The following ARNT2 variants were observed in gnomAD, a reference collection of about 807,000 sequenced individuals.
The protein encoded by ARNT2 is ARNT protein 2.
Under a neutral mutation model 91.7 loss-of-function variants are expected in ARNT2, and 36 were observed. The observed-to-expected ratio is 0.39, with a 90% CI of 0.30 to 0.52. The LOEUF is 0.52. Ranked by LOEUF, ARNT2 falls within the 20% of genes least tolerant of loss-of-function variation. ARNT2 has a pLI of 0.72. For missense variants in ARNT2, 775 were observed against 939.3 expected (o/e 0.83, Z 2.29); for synonymous variants, 365 against 347.1 (o/e 1.05, Z -0.57).
rs1253534100 is a variant in ARNT2, at chr15:80,551,238, G to T, written c.917G>T (p.Gly306Val). ...IPEEDADVGQGSKYCLVAIGR... is the reference protein window; with the variant it reads ...IPEEDADVGQVSKYCLVAIGR... ...GAAGAAGACGCTGATGTGGGACAAGGCAGTAAATATTGCCTCGTGGCAATT... is the reference window on the plus strand; with the variant it reads ...GAAGAAGACGCTGATGTGGGACAAGTCAGTAAATATTGCCTCGTGGCAATT... Residue 306 changes from glycine to valine, a missense_variant, in exon 9 of 19, where the codon GGC becomes GTC. Gly to Val is a moderately radical substitution (Grantham distance 109). This residue lies in a region of ARNT2 where 285 missense variants were observed against 327.2 expected (regional missense o/e 0.87). Coordinates refer to ENST00000303329, the MANE Select transcript of ARNT2 (RefSeq NM_014862.4). 1.2e-6 allele frequency: 2 copies of T among 1,614,012 alleles called. No homozygotes were observed. Among genetic ancestry groups the T allele is most frequent in the African/African-American group, 1.3e-5 (1 of 75,060 alleles).
At chr15:80,478,237 A>T (rs1031645506) in intron 5 of ARNT2, among the ~76,000 whole-genome samples, 1 of 152,208 alleles carries the variant, frequency 6.6e-6, no homozygotes. Context: ...TGACCACAGG[A>T]TGTGGCTTTT....
chr15:80,474,807 C>G (rs2141397685), intron 4 of ARNT2, among the ~76,000 whole-genome samples: 2 of 152,320 alleles, frequency 1.3e-5, no homozygotes, highest in Middle Eastern at 6.8e-3. Flanking sequence ...ACCGTGTTTA[C>G]AGTAGCTGTA....
intron 1 of ARNT2, among the ~76,000 whole-genome samples, chr15:80,420,526 G>A (rs1595954892): frequency 6.6e-6 from 1 of 151,992 alleles, no homozygotes; most frequent in African/African-American, 2.4e-5. Flanking sequence ...TTCAATTTAC[G>A]ATGGGTTTAT....
intron 8 of ARNT2, among the ~76,000 whole-genome samples, chr15:80,548,088 T>C (rs1465021582): frequency 6.6e-6 from 1 of 152,216 alleles, no homozygotes; most frequent in East Asian, 1.9e-4. Flanking sequence ...CTCAGTATTC[T>C]GAAAAAGCTT....
chr15:80,456,578 A>G (rs1213038936), intron 2 of ARNT2, among the ~76,000 whole-genome samples: 1 of 152,170 alleles, frequency 6.6e-6, no homozygotes, highest in African/African-American at 2.4e-5. Context: ...TCCAGTCCCT[A>G]GGTCCCTCAG....
At chr15:80,587,345 TTC>T (rs956600644) in intron 17 of ARNT2, among the ~76,000 whole-genome samples, 2 of 151,882 alleles carry the variant, frequency 1.3e-5, no homozygotes, top group African/African-American at 4.8e-5. Flanking sequence ...CTACTAGGAT[TTC>T]TCTGTTTATG....
chr15:80,508,232 G>A lies in ARNT2; in HGVS notation c.699G>A (p.Ser233=), dbSNP rs767002088. The A allele has an allele frequency of 1.9e-5, 30 of 1,613,970 alleles. No homozygotes were observed. Among genetic ancestry groups the A allele is most frequent in the East Asian group, 4.5e-5 (2 of 44,882 alleles). Residue 233 remains serine, a synonymous_variant, in exon 6 of 19, where the codon TCG becomes TCA. Transcript: ENST00000303329. ...CATCCATGAGGATGTGCATGGGCTC[G>A]CGGCGGTCTTTCATCTGCAGGATGA... ...QQSSMRMCMG[S]RRSFICRMRC...
rs185894379 is a variant in ARNT2 at position 80,595,360 on chromosome 15, C to T, written c.*1662C>T. On this transcript the variant is annotated 3_prime_UTR_variant, in exon 19 of 19. Coordinates refer to ENST00000303329, the MANE Select transcript of ARNT2 (RefSeq NM_014862.4). ...CAGATGCTGCTTGCTCAGAAACAAC[C>T]CGTGCATCCCTGCCCATGGATTCTG... 1 of 152,236 alleles carries T rather than the reference C, an allele frequency of 6.6e-6. No individual in the cohort carries two copies. Among genetic ancestry groups the T allele is most frequent in the Non-Finnish European group, 1.5e-5 (1 of 68,082 alleles). 9.4% of individuals were successfully genotyped at this position (152,236 alleles called of 1,614,324 possible).
intron 4 of ARNT2, among the ~76,000 whole-genome samples, chr15:80,474,797 ACC>A (rs144513290): frequency 0.048 from 7,334 of 152,264 alleles, 327 homozygotes; most frequent in East Asian, 0.12. Context: ...AGATGGGCTA[ACC>A]GTGTTTACAG....
chr15:80,482,534 C>T (rs914803347), intron 5 of ARNT2, among the ~76,000 whole-genome samples: 7 of 152,262 alleles, frequency 4.6e-5, no homozygotes, highest in African/African-American at 1.4e-4. Flanking sequence ...AAGTAGAGCT[C>T]GTAGTCAATG....
chr15:80,443,240 T>C (rs1237514193), intron 1 of ARNT2, among the ~76,000 whole-genome samples: 3 of 152,158 alleles, frequency 2.0e-5, no homozygotes, highest in Non-Finnish European at 2.9e-5. Context: ...TTCAAGAAAC[T>C]GATAAGGCAG....
At chr15:80,419,287 C>G (rs6495498) in intron 1 of ARNT2, among the ~76,000 whole-genome samples, 113,816 of 152,084 alleles carry the variant, frequency 0.75, 42,854 homozygotes, top group East Asian at 0.8. Flanking sequence ...TGGCCCAGAT[C>G]CCCTTCAGGT....
Position 80,593,858 on chromosome 15 carries a change from T to C in ARNT2, c.*160T>C. 1 of 635,804 alleles carries C rather than the reference T, an allele frequency of 1.6e-6. No individual in the cohort carries two copies. The highest frequency in any genetic ancestry group is 2.0e-5 in the South Asian group (1 of 49,920). The allele number at this position is 635,804 out of a possible 1,614,324, so 39.4% of individuals were successfully genotyped here. A position where few individuals can be genotyped will look rare whatever the true frequency, so the allele number is the denominator to read the frequency against. On this transcript the variant is annotated 3_prime_UTR_variant, in exon 19 of 19. Coordinates refer to ENST00000303329, the MANE Select transcript of ARNT2 (RefSeq NM_014862.4). ...GTCCCCAGGCGCATCATTGCTCCAC[T>C]CTCCCCTGCAGCCGCGGCTGCTCGG... is the stretch of plus-strand genomic sequence containing the variant.
At chr15:80,493,538 G>T (rs111988273) in intron 5 of ARNT2, among the ~76,000 whole-genome samples, 1 of 152,118 alleles carries the variant, frequency 6.6e-6, no homozygotes, top group African/African-American at 2.4e-5. Flanking sequence ...CTCTTTATGT[G>T]GCAGGTTGTT....
chr15:80,441,677 T>A (rs1186181865), intron 1 of ARNT2, among the ~76,000 whole-genome samples: 3 of 152,234 alleles, frequency 2.0e-5, no homozygotes, highest in African/African-American at 7.2e-5. Context: ...TTCCTCCTGT[T>A]CCTTTCATCT....
chr15:80,470,249 CG>C lies in ARNT2; in HGVS notation c.228del (p.Asn77ThrfsTer3). 6.2e-7 allele frequency: 1 copy of C among 1,614,128 alleles called. No individual in the cohort carries two copies. Among genetic ancestry groups the C allele is most frequent in the Non-Finnish European group, 8.5e-7 (1 of 1,180,022 alleles). Reference protein sequence around the residue: ...ENHSEIERRRRNKMTQYITEL... With the variant: ...ENHSEIERRRXNKMTQYITEL... ...TCATAGTGAAATCGAAAGGCGCAGA[CG>C]GAACAAGATGACTCAGTACATCACG... is the stretch of plus-strand genomic sequence containing the variant. On this transcript the variant is annotated frameshift_variant, in exon 4 of 19. Transcript: ENST00000303329. LOFTEE classifies it high-confidence loss of function.
At chr15:80,417,952 T>TAA (rs1895810663) in intron 1 of ARNT2, among the ~76,000 whole-genome samples, 1 of 152,132 alleles carries the variant, frequency 6.6e-6, no homozygotes, top group Non-Finnish European at 1.5e-5. Flanking sequence ...GCCTTATATG[T>TAA]AAAATGGGGG....
chr15:80,565,538 G>GTTT lies in ARNT2; in HGVS notation c.1316+2310_1316+2312dup, dbSNP rs537342917. ...AGCATCTGTTTTTGTTTTTGTTATT[G>GTTT]TTTTTTTTTTTTTACTTTTTACTAA... On this transcript the variant is annotated intron_variant, in intron 12 of 18. Coordinates refer to ENST00000303329, the MANE Select transcript of ARNT2 (RefSeq NM_014862.4). Among the ~76,000 whole-genome samples, 472 of 140,894 alleles carry GTTT rather than the reference G, an allele frequency of 3.4e-3. 7 individuals are homozygous for GTTT. In the East Asian group the frequency reaches 0.044, roughly 13 times the overall value. The allele number at this position is 140,894 out of a possible 152,430, so 92.4% of individuals were successfully genotyped here.
chr15:80,516,855 A>ATATATATATATATATATC (rs1491249404), intron 8 of ARNT2, among the ~76,000 whole-genome samples: 8 of 142,632 alleles, frequency 5.6e-5, no homozygotes, highest in South Asian at 2.2e-4. Flanking sequence ...ATATATATAT[A>ATATATATATATATATATC]TCCATGTTCA....
Sources: allele counts gnomAD v4.1 joint callset (sites outside exome capture counted in the v4.1 genomes callset), GRCh38; gene constraint gnomAD v4.1.1; regional missense constraint gnomAD v4.1.1; transcripts MANE v1.5; gene names NCBI Gene and HGNC (gene_info 2026-07-23, HGNC 2026-07-21).